Variants in MAP3K13 observed in about 807,000 individuals in gnomAD.
MAP3K13 encodes leucine zipper-bearing kinase.
A neutral mutation model predicts 104.0 loss-of-function variants in MAP3K13; 52 were observed. That is an observed-to-expected ratio of 0.50 (90% CI 0.40 to 0.63). The LOEUF is 0.63. Ranked by LOEUF, MAP3K13 falls within the 20% of genes least tolerant of loss-of-function variation. MAP3K13 has a pLI of 0.00. For synonymous variants in MAP3K13, 394 were observed against 442.2 expected (o/e 0.89, Z 1.37); for missense variants, 914 against 1,218.5 (o/e 0.75, Z 3.72).
At chr3:185,341,639 C>T (rs1207706484) in intron 2 of MAP3K13, among the ~76,000 whole-genome samples, 2 of 152,142 alleles carry the variant, frequency 1.3e-5, no homozygotes, top group East Asian at 3.8e-4. Context: ...GAGGTATAGC[C>T]TAATTCCTCT....
At chr3:185,427,410 A>G (rs1356874071) in intron 1 of MAP3K13, among the ~76,000 whole-genome samples, 2 of 152,116 alleles carry the variant, frequency 1.3e-5, no homozygotes, top group South Asian at 2.1e-4. Context: ...AAGATTGACT[A>G]TGCGTGATCT....
intron 1 of MAP3K13, among the ~76,000 whole-genome samples, chr3:185,378,656 C>T (rs1396762004): frequency 1.3e-5 from 2 of 151,990 alleles, no homozygotes; most frequent in African/African-American, 4.8e-5. Context: ...AAGAAGGATT[C>T]AAAGGACTCA....
chr3:185,346,502 A>T (rs1722929818), intron 2 of MAP3K13, among the ~76,000 whole-genome samples: 1 of 152,184 alleles, frequency 6.6e-6, no homozygotes, highest in Non-Finnish European at 1.5e-5. Context: ...CAACCTGTAA[A>T]GGTTTTAAGT....
intron 2 of MAP3K13, among the ~76,000 whole-genome samples, chr3:185,354,249 A>G (rs1723255137): frequency 6.6e-6 from 1 of 151,240 alleles, no homozygotes; most frequent in African/African-American, 2.4e-5. Flanking sequence ...GGACATATCT[A>G]TCTGCTAAGG....
intron 8 of MAP3K13, among the ~76,000 whole-genome samples, chr3:185,465,364 A>T (rs940176216): frequency 6.6e-6 from 1 of 152,192 alleles, no homozygotes; most frequent in Non-Finnish European, 1.5e-5. Context: ...ACCAACCACT[A>T]TATCACACAG....
chr3:185,382,480 T>C (rs1724773741), intron 1 of MAP3K13, among the ~76,000 whole-genome samples: 1 of 152,160 alleles, frequency 6.6e-6, no homozygotes, highest in Admixed American at 6.5e-5. Context: ...CAATTAGAGT[T>C]ACATTTAAAA....
At position 185,348,484 on chromosome 3, in the gene MAP3K13, A is replaced by C. The variant is rs76923442; in HGVS notation, c.-86+62841A>C. 7.8e-3 allele frequency among the ~76,000 whole-genome samples: 1,189 copies of C among 152,218 alleles called. 15 individuals are homozygous for C. The highest frequency in any genetic ancestry group is 0.028 in the African/African-American group (1,147 of 41,524). On this transcript the variant is annotated intron_variant, in intron 2 of 14. Transcript: ENST00000424227. ...TCTCTAGATCATAACATTCCCCCTA[A>C]AGTTAGACAAGCATTTTCTGTAATT...
intron 2 of MAP3K13, among the ~76,000 whole-genome samples, chr3:185,303,092 A>G (rs1721164750): frequency 6.6e-6 from 1 of 152,198 alleles, no homozygotes. Context: ...TGAGACGGTC[A>G]TATGGTTTTT....
chr3:185,336,936 C>T (rs1722527797), intron 2 of MAP3K13, among the ~76,000 whole-genome samples: 1 of 152,102 alleles, frequency 6.6e-6, no homozygotes, highest in Admixed American at 6.6e-5. Flanking sequence ...GTCTCAGCTC[C>T]TCAACCTGGA....
intron 7 of MAP3K13, among the ~76,000 whole-genome samples, chr3:185,461,438 T>G (rs1717090542): frequency 6.6e-6 from 1 of 152,206 alleles, no homozygotes; most frequent in African/African-American, 2.4e-5. Flanking sequence ...AAACAGCTAA[T>G]TTGGGGAAAA....
At chr3:185,379,813 A>G (rs1446694974) in intron 1 of MAP3K13, among the ~76,000 whole-genome samples, 1 of 152,222 alleles carries the variant, frequency 6.6e-6, no homozygotes, top group African/African-American at 2.4e-5. Flanking sequence ...AGACCTACCC[A>G]TGAACCAGCT....
At chr3:185,361,654 T>C (rs1021772612), upstream of MAP3K13, among the ~76,000 whole-genome samples, 1 of 152,174 alleles carries the variant, frequency 6.6e-6, no homozygotes, top group Non-Finnish European at 1.5e-5. Flanking sequence ...CCGCCCACCT[T>C]GGCCTCCCAA....
At chr3:185,404,582 T>A (rs551266764) in intron 1 of MAP3K13, among the ~76,000 whole-genome samples, 18 of 152,262 alleles carry the variant, frequency 1.2e-4, no homozygotes, top group East Asian at 3.9e-4. Context: ...TTTAATTTTT[T>A]AAAAATTTTT....
In MAP3K13 at chr3:185,480,133, A is replaced by G. The variant is rs568964000; in HGVS notation, c.2502-99A>G. On this transcript the variant is annotated intron_variant, in intron 12 of 13. Transcript: ENST00000265026. ...TTCTTAGGCCTCCTTGATGGCAGGG[A>G]AAAAACTAGATTATCTCTACCACTA... The G allele has an allele frequency of 2.1e-5, 26 of 1,217,924 alleles. No homozygotes were observed. The African/African-American group carries it at 3.6e-4, about 17-fold the overall frequency. 75.4% of individuals were successfully genotyped at this position (1,217,924 alleles called of 1,614,324 possible).
intron 1 of MAP3K13, among the ~76,000 whole-genome samples, chr3:185,367,179 G>A (rs1354119333): frequency 6.6e-6 from 1 of 152,096 alleles, no homozygotes; most frequent in African/African-American, 2.4e-5. Flanking sequence ...TTGTTTAAAA[G>A]ACTATTCTTT....
chr3:185,361,096 A>ATGTGTGTG (rs1378977342), upstream of MAP3K13, among the ~76,000 whole-genome samples: 3 of 56,218 alleles, frequency 5.3e-5, no homozygotes, highest in African/African-American at 1.2e-4. Context: ...GTATATATAT[A>ATGTGTGTG]TATGTGTGTG....
rs1250266683 is a variant in MAP3K13, at chr3:185,423,036, C to CT, written c.-85-5460dup. Among the ~76,000 whole-genome samples the CT allele has an allele frequency of 6.6e-6, 1 of 152,172 alleles. No homozygotes were observed. The highest frequency in any genetic ancestry group is 2.4e-5 in the African/African-American group (1 of 41,432). ...TAGGTTATGTGCCCTTTATGAGAAT[C>CT]TAATGACTAATGATCTGTCACTGTC... On this transcript the variant is annotated intron_variant, in intron 1 of 13. Coordinates refer to ENST00000265026, the MANE Select transcript of MAP3K13 (RefSeq NM_004721.5). The surrounding 1 kb of genome is among the most constrained non-coding windows in gnomAD (Gnocchi z 4.1).
At chr3:185,346,373 T>G (rs1722923745) in intron 2 of MAP3K13, among the ~76,000 whole-genome samples, 1 of 152,208 alleles carries the variant, frequency 6.6e-6, no homozygotes, top group Non-Finnish European at 1.5e-5. Context: ...ATGATCTGTA[T>G]CCTTCAACCT....
Position 185,454,328 on chromosome 3 carries a change from TATATATGATATATATGAG to T in MAP3K13, c.1278+2942_1278+2959del, listed in dbSNP as rs1716123312. Among the ~76,000 whole-genome samples the T allele has an allele frequency of 2.2e-5, 2 of 88,890 alleles. 1 individual carries two copies. Among genetic ancestry groups the T allele is most frequent in the African/African-American group, 8.3e-5 (2 of 24,228 alleles). The allele number at this position is 88,890 out of a possible 152,430, so 58.3% of individuals were successfully genotyped here. On this transcript the variant is annotated intron_variant, in intron 7 of 13. Transcript: ENST00000265026. Reference sequence around the variant, plus strand: ...ATATATATATGAGATATATATGAGATATATATGATATATATGAGATATATGAGATATATATGAGATATA... The same window carrying T: ...ATATATATATGAGATATATATGAGATATATATGAGATATATATGAGATATA...
Sources: gnomAD v4.1 joint callset for allele counts (sites outside exome capture counted in the v4.1 genomes callset) on GRCh38, gnomAD v4.1.1 for gene constraint, Gnocchi (gnomAD v3.1) non-coding constraint, MANE v1.5 for transcripts, NCBI Gene and HGNC (gene_info 2026-07-23, HGNC 2026-07-21) for gene names.